The following SDK1 variants were observed in gnomAD, a reference collection of about 807,000 sequenced individuals.
SDK1 encodes protein sidekick-1.
In SDK1, 157 loss-of-function variants were observed where a neutral mutation model predicts 245.5. The ratio of observed to expected loss-of-function variants is 0.64; its 90% CI spans 0.56 to 0.73. The LOEUF is 0.73. Among genes scored for constraint, SDK1 ranks in the 30% least tolerant of loss-of-function variants. The pLI is 0.00. For missense variants in SDK1, 3,583 were observed against 3,002.3 expected, an observed-to-expected ratio of 1.19 and a Z score of -4.52; for synonymous variants, 1,647 against 1,278.5, an observed-to-expected ratio of 1.29 and a Z score of -6.15.
At chr7:4,070,753 A>G (rs1222700411) in intron 20 of SDK1, among the ~76,000 whole-genome samples, 1 of 149,058 alleles carries the variant, frequency 6.7e-6, no homozygotes, top group Non-Finnish European at 1.5e-5. Flanking sequence ...TCTGCAGCCC[A>G]GGATGGAGTA....
chr7:3,501,487 CAT>C (rs1442946661), intron 1 of SDK1, among the ~76,000 whole-genome samples: 3 of 151,996 alleles, frequency 2.0e-5, no homozygotes, highest in Non-Finnish European at 4.4e-5. Context: ...GAATTTATGA[CAT>C]TGATTTTGAT....
At chr7:3,820,367 C>A (rs190395043) in intron 4 of SDK1, among the ~76,000 whole-genome samples, 2 of 152,106 alleles carry the variant, frequency 1.3e-5, no homozygotes. Context: ...CCAGGATGGT[C>A]TCGATCTCTT....
intron 20 of SDK1, among the ~76,000 whole-genome samples, chr7:4,074,221 G>A (rs1780471221): frequency 6.6e-6 from 1 of 152,150 alleles, no homozygotes; most frequent in African/African-American, 2.4e-5. Context: ...TGGTTGGGGT[G>A]GGGACAACTG....
Position 4,138,823 on chromosome 7 carries a change from A to G in SDK1, c.4228+6400A>G, listed in dbSNP as rs1779268747. On this transcript the variant is annotated intron_variant, in intron 28 of 44. Transcript: ENST00000404826. ...AGAAAAGAAAAGAAAATTGATGACT[A>G]AAAAAAGTCCCAAGACAGCTACAGT... Among the ~76,000 whole-genome samples the G allele has an allele frequency of 2.0e-5, 3 of 152,160 alleles. No individual in the cohort carries two copies. In the South Asian group the frequency reaches 6.2e-4, roughly 32 times the overall value.
intron 36 of SDK1, among the ~76,000 whole-genome samples, chr7:4,206,780 A>G (rs7812170): frequency 0.3 from 45,958 of 151,902 alleles, 7,321 homozygotes; most frequent in African/African-American, 0.33. Context: ...TCCCCTGTCT[A>G]TTCTGCTGGG....
intron 4 of SDK1, among the ~76,000 whole-genome samples, chr7:3,660,208 A>C (rs926355179): frequency 6.6e-6 from 1 of 152,158 alleles, no homozygotes; most frequent in Non-Finnish European, 1.5e-5. Context: ...GAGCTCTACC[A>C]TGCAGAGCAG....
chr7:3,819,399 G>T (rs1276217817), intron 4 of SDK1, among the ~76,000 whole-genome samples: 2 of 151,744 alleles, frequency 1.3e-5, no homozygotes, highest in Admixed American at 1.3e-4. Flanking sequence ...ATAATATCGA[G>T]AATTCATGGA....
Position 3,411,446 on chromosome 7 carries a change from G to T in SDK1, c.298+109562G>T, listed in dbSNP as rs141425835. Among the ~76,000 whole-genome samples, 3 of 152,248 alleles carry T rather than the reference G, an allele frequency of 2.0e-5. No individual in the cohort carries two copies. The East Asian group carries it at 5.8e-4, about 29-fold the overall frequency. On this transcript the variant is annotated intron_variant, in intron 1 of 44. Coordinates refer to ENST00000404826, the MANE Select transcript of SDK1 (RefSeq NM_152744.4). ...ATAGATGAATCAGGAACTGAAATTT[G>T]GGGTGTAGATTTATTCCTTTGACTT...
At chr7:3,368,164 C>A (rs534077156) in intron 1 of SDK1, among the ~76,000 whole-genome samples, 1 of 152,266 alleles carries the variant, frequency 6.6e-6, no homozygotes, top group East Asian at 1.9e-4. Context: ...ATAAGGAAAT[C>A]TGAAACCAAT....
chr7:3,426,256 A>G (rs564803573), intron 1 of SDK1, among the ~76,000 whole-genome samples: 1 of 152,298 alleles, frequency 6.6e-6, no homozygotes, highest in Non-Finnish European at 1.5e-5. Context: ...AGGAAGGAAC[A>G]GACTGGCAGG....
intron 4 of SDK1, among the ~76,000 whole-genome samples, chr7:3,802,230 A>G (rs916242023): frequency 2.0e-5 from 3 of 152,284 alleles, no homozygotes; most frequent in South Asian, 2.1e-4. Flanking sequence ...AACTACCACT[A>G]CATCCACAAT....
intron 17 of SDK1, among the ~76,000 whole-genome samples, chr7:4,027,493 C>T (rs1787448184): frequency 6.6e-6 from 1 of 152,160 alleles, no homozygotes; most frequent in Non-Finnish European, 1.5e-5. Context: ...TATTCACATC[C>T]ACCTGGCCCA....
chr7:3,418,274 G>A (rs374163203), intron 1 of SDK1, among the ~76,000 whole-genome samples: 3 of 151,970 alleles, frequency 2.0e-5, no homozygotes, highest in African/African-American at 2.4e-5. Context: ...CCGAGATTGC[G>A]CCATTGCACT....
chr7:3,419,011 C>A (rs538755790), intron 1 of SDK1, among the ~76,000 whole-genome samples: 1 of 152,304 alleles, frequency 6.6e-6, no homozygotes, highest in South Asian at 2.1e-4. Flanking sequence ...TATCAAAAGT[C>A]GTAACTCCTT....
intron 1 of SDK1, among the ~76,000 whole-genome samples, chr7:3,422,078 A>G (rs982156368): frequency 6.6e-6 from 1 of 152,206 alleles, no homozygotes; most frequent in African/African-American, 2.4e-5. Flanking sequence ...CTTAATAACA[A>G]CAACAGCAAA....
In SDK1 at chr7:3,590,159, A is replaced by C. The variant is rs112480960; in HGVS notation, c.299-28921A>C. On this transcript the variant is annotated intron_variant, in intron 1 of 44. Coordinates refer to ENST00000404826, the MANE Select transcript of SDK1 (RefSeq NM_152744.4). ...TGTAAAGCTTATAGCAGGTAGCCTC[A>C]GGCTGTGCTCCCAAACCTTTGGGTT... 1.9e-3 allele frequency among the ~76,000 whole-genome samples: 289 copies of C among 152,348 alleles called. 1 individual carries two copies. Among genetic ancestry groups the C allele is most frequent in the African/African-American group, 6.3e-3 (261 of 41,590 alleles).
intron 1 of SDK1, among the ~76,000 whole-genome samples, chr7:3,456,602 T>C (rs1037625290): frequency 2.6e-5 from 4 of 152,206 alleles, no homozygotes; most frequent in African/African-American, 9.7e-5. Context: ...TTTTGTTTTA[T>C]TTTTTTCCGA....
intron 1 of SDK1, among the ~76,000 whole-genome samples, chr7:3,532,294 TCA>T (rs1266511714): frequency 6.6e-6 from 1 of 152,172 alleles, no homozygotes; most frequent in Non-Finnish European, 1.5e-5. Context: ...CCAGGGAGGC[TCA>T]GAGTGAGGGT....
chr7:3,890,891 G>A (rs541642258), intron 5 of SDK1, among the ~76,000 whole-genome samples: 17 of 152,242 alleles, frequency 1.1e-4, no homozygotes, highest in East Asian at 1.9e-4. Context: ...GCAGTGAGCC[G>A]AAAGCACTCC....
Sources: gnomAD v4.1 joint callset for allele counts (sites outside exome capture counted in the v4.1 genomes callset) on GRCh38, gnomAD v4.1.1 for gene constraint, MANE v1.5 for transcripts, NCBI Gene and HGNC (gene_info 2026-07-23, HGNC 2026-07-21) for gene names.